Variants in EFNA2 observed in about 807,000 individuals in gnomAD.
The protein encoded by EFNA2 is ephrin-A2.
A neutral mutation model predicts 19.7 loss-of-function variants in EFNA2; 18 were observed. That is an observed-to-expected ratio of 0.91 (90% CI 0.63 to 1.35). The LOEUF (loss-of-function observed/expected upper bound fraction) is 1.35, where lower values mean the gene tolerates loss of function less well. Ranked by LOEUF, EFNA2 falls within the 40% of genes most tolerant of loss-of-function variation. EFNA2 has a pLI of 0.00. For synonymous variants in EFNA2, 187 were observed against 137.8 expected (o/e 1.36, Z -2.50); for missense variants, 303 against 296.0 (o/e 1.02, Z -0.17).
chr19:1,292,308 G>T (rs545976116), intron 1 of EFNA2, among the ~76,000 whole-genome samples: 1 of 152,344 alleles, frequency 6.6e-6, no homozygotes, highest in East Asian at 1.9e-4. Flanking sequence ...AGGCAGAGCC[G>T]GGGGTGGGGG....
At position 1,296,079 on chromosome 19, in the gene EFNA2, C is replaced by T. The variant is rs1274935577; in HGVS notation, c.454+221C>T. Among the ~76,000 whole-genome samples, 2 of 152,116 alleles carry T rather than the reference C, an allele frequency of 1.3e-5. No homozygotes were observed. Among genetic ancestry groups the T allele is most frequent in the African/African-American group, 4.8e-5 (2 of 41,410 alleles). ...GAGTGGGGCCAGGGCCGGTGCTGGC[C>T]ACTGACCCACCCCGGTCACTGACCC... is the stretch of plus-strand genomic sequence containing the variant. On this transcript the variant is annotated intron_variant, in intron 2 of 3. Transcript: ENST00000215368. This position sits in a 1 kb window ranked among gnomAD's most constrained non-coding sequence, Gnocchi z 4.4.
In EFNA2 at chr19:1,295,830, C is replaced by T; in HGVS notation, c.426C>T (p.Phe142=). ...CGCCCTTCTCCCTGGGCTTCGAGTTCCGGCCCGGCCACGAGTATTACTACA... is the reference window on the plus strand; with the variant it reads ...CGCCCTTCTCCCTGGGCTTCGAGTTTCGGCCCGGCCACGAGTATTACTACA... ...LFTPFSLGFE[F]RPGHEYYYIS... is the part of the protein sequence containing the mutation. Residue 142 remains phenylalanine (F), a synonymous_variant, in exon 2 of 4, where the codon TTC becomes TTT. Transcript: ENST00000215368. The surrounding 1 kb of genome is among the most constrained non-coding windows in gnomAD (Gnocchi z 5.8). The T allele has an allele frequency of 6.2e-7, 1 of 1,605,892 alleles. No individual in the cohort carries two copies. Among genetic ancestry groups the T allele is most frequent in the Non-Finnish European group, 8.5e-7 (1 of 1,177,820 alleles).
intron 1 of EFNA2, among the ~76,000 whole-genome samples, chr19:1,292,204 G>A (rs912535966): frequency 1.3e-5 from 2 of 152,202 alleles, no homozygotes; most frequent in East Asian, 1.9e-4. Flanking sequence ...CGCCCACCTC[G>A]GGCTTGCCCG....
At chr19:1,292,490 C>T (rs2081496176) in intron 1 of EFNA2, among the ~76,000 whole-genome samples, 1 of 152,218 alleles carries the variant, frequency 6.6e-6, no homozygotes, top group Admixed American at 6.5e-5. Flanking sequence ...ACATCAGGAT[C>T]CGGGATTCAG....
At position 1,296,729 on chromosome 19, in the gene EFNA2, C is replaced by T. The variant is rs35828744; in HGVS notation, c.454+871C>T. On this transcript the variant is annotated intron_variant, in intron 2 of 3. Coordinates refer to ENST00000215368, the MANE Select transcript of EFNA2 (RefSeq NM_001405.4). This position sits in a 1 kb window ranked among gnomAD's most constrained non-coding sequence, Gnocchi z 4.4. ...GGTAGGGGTCTCCAGGTCCTCCCTGCCCCGCACCCACCCCCGCATCTCCCC... is the reference window on the plus strand; with the variant it reads ...GGTAGGGGTCTCCAGGTCCTCCCTGTCCCGCACCCACCCCCGCATCTCCCC... Among the ~76,000 whole-genome samples, 1,832 of 152,290 alleles carry T rather than the reference C, an allele frequency of 0.012. 13 individuals carry two copies. Among genetic ancestry groups the T allele is most frequent in the Non-Finnish European group, 0.02 (1,378 of 68,008 alleles).
rs961268279 is a variant in EFNA2 at position 1,301,211 on chromosome 19, G to C, written c.*1266G>C. 1.4e-5 allele frequency among the ~76,000 whole-genome samples: 2 copies of C among 148,056 alleles called. No homozygotes were observed. The highest frequency in any genetic ancestry group is 2.1e-4 in the South Asian group (1 of 4,688). Reference sequence around the variant, plus strand: ...ATTTCTACCCGCCTTTCCTGACTCTGTGTTTTATATATATTATATATAAAT... The same window carrying C: ...ATTTCTACCCGCCTTTCCTGACTCTCTGTTTTATATATATTATATATAAAT... On this transcript the variant is annotated 3_prime_UTR_variant, in exon 4 of 4. Coordinates refer to ENST00000215368, the MANE Select transcript of EFNA2 (RefSeq NM_001405.4).
chr19:1,300,241 ATTT>A lies in EFNA2; in HGVS notation c.*329_*331del, dbSNP rs58281257. The A allele has an allele frequency of 2.3e-4, 10 of 42,690 alleles. No homozygotes were observed. Among genetic ancestry groups the A allele is most frequent in the South Asian group, 1.1e-3 (1 of 938 alleles). 2.6% of individuals were successfully genotyped at this position (42,690 alleles called of 1,614,324 possible). A position where few individuals can be genotyped will look rare whatever the true frequency, so the allele number is the denominator to read the frequency against. ...CGGAGAACCCGGGAACCTCTTGGCGATTTTTTTTTTTTTTTTTTTTTTTTTTTT... is the reference window on the plus strand; with the variant it reads ...CGGAGAACCCGGGAACCTCTTGGCGATTTTTTTTTTTTTTTTTTTTTTTTT... On this transcript the variant is annotated 3_prime_UTR_variant, in exon 4 of 4. Coordinates refer to ENST00000215368, the MANE Select transcript of EFNA2 (RefSeq NM_001405.4).
intron 1 of EFNA2, among the ~76,000 whole-genome samples, chr19:1,288,400 G>T (rs2144612482): frequency 6.6e-6 from 1 of 152,338 alleles, no homozygotes; most frequent in South Asian, 2.1e-4. Context: ...TTGGGGAGAG[G>T]AGTGGCGTCA....
At chr19:1,284,567 G>A (rs1394576533), upstream of EFNA2, among the ~76,000 whole-genome samples, 5 of 152,248 alleles carry the variant, frequency 3.3e-5, no homozygotes, top group Admixed American at 3.3e-4. The surrounding 1 kb of genome is among the most constrained non-coding windows in gnomAD (Gnocchi z 5.3). Flanking sequence ...GTCAGGTGGT[G>A]TGGCCCGCGT....
In EFNA2 at chr19:1,286,207, C is replaced by A; in HGVS notation, c.39C>A (p.Leu13=). 3 of 1,098,314 alleles carry A rather than the reference C, an allele frequency of 2.7e-6. No homozygotes were observed. The highest frequency in any genetic ancestry group is 2.2e-5 in the South Asian group (1 of 45,880). The allele number at this position is 1,098,314 out of a possible 1,614,324, so 68.0% of individuals were successfully genotyped here. A position where few individuals can be genotyped will look rare whatever the true frequency, so the allele number is the denominator to read the frequency against. ...PAQRPLLPLL[L]LLLPLPPPPF... is the part of the protein sequence containing the mutation. ...AGCGCCCGCTGCTCCCGCTGCTGCT[C>A]CTGCTGTTACCGCTGCCGCCGCCGC... is the stretch of plus-strand genomic sequence containing the variant. The change falls in exon 1 of 4, where the codon CTC becomes CTA. Residue 13 remains leucine (L), a synonymous_variant. Transcript: ENST00000215368. The surrounding 1 kb of genome is among the most constrained non-coding windows in gnomAD (Gnocchi z 5.6).
rs1367272729 is a variant in EFNA2, at chr19:1,300,155, G to A, written c.*210G>A. 5.1e-6 allele frequency: 3 copies of A among 583,232 alleles called. No homozygotes were observed. Among genetic ancestry groups the A allele is most frequent in the Admixed American group, 3.9e-5 (1 of 25,484 alleles). The allele number at this position is 583,232 out of a possible 1,614,324, so 36.1% of individuals were successfully genotyped here. A position where few individuals can be genotyped will look rare whatever the true frequency, so the allele number is the denominator to read the frequency against. On this transcript the variant is annotated 3_prime_UTR_variant, in exon 4 of 4. Coordinates refer to ENST00000215368, the MANE Select transcript of EFNA2 (RefSeq NM_001405.4). ...GGGAAACGGCCGAGAGCCCCCCCCC[G>A]GAGGCCCGAGGGGCCGGGGTGTGGA...
intron 1 of EFNA2, among the ~76,000 whole-genome samples, chr19:1,289,655 C>T (rs1178387873): frequency 2.6e-5 from 4 of 152,224 alleles, no homozygotes; most frequent in South Asian, 2.1e-4. Context: ...CTCTGGGCTT[C>T]GGCCACCCTC....
At chr19:1,299,787 G>T (rs200274809) in intron 3 of EFNA2, 37 bp from the exon 4 acceptor site, 4 of 1,567,842 alleles carry the variant, frequency 2.6e-6, no homozygotes, top group East Asian at 4.7e-5. Context: ...AGTGGGGTTC[G>T]GGCGGCCGCT....
chr19:1,289,081 G>A (rs2081479708), intron 1 of EFNA2, among the ~76,000 whole-genome samples: 1 of 152,276 alleles, frequency 6.6e-6, no homozygotes, highest in East Asian at 1.9e-4. Context: ...GCGTGCAGGT[G>A]TGCCTGGAGT....
chr19:1,288,780 G>A (rs963673263), intron 1 of EFNA2, among the ~76,000 whole-genome samples: 4 of 152,036 alleles, frequency 2.6e-5, no homozygotes, highest in Non-Finnish European at 4.4e-5. Flanking sequence ...GTGGGGCCCC[G>A]TTGGGTGGTC....
In EFNA2 at chr19:1,286,246, C is replaced by T; in HGVS notation, c.78C>T (p.Ala26=). Residue 26 remains alanine, a synonymous_variant, in exon 1 of 4, where the codon GCC becomes GCT. Transcript: ENST00000215368. This position sits in a 1 kb window ranked among gnomAD's most constrained non-coding sequence, Gnocchi z 5.6. ...LPLPPPPFAR[A]EDAARANSDR... ...TGCCGCCGCCGCCCTTCGCGCGCGC[C>T]GAGGACGCCGCCCGCGCCAACTCGG... 1 of 1,129,946 alleles carries T rather than the reference C, an allele frequency of 8.8e-7. No individual in the cohort carries two copies. 70.0% of individuals were successfully genotyped at this position (1,129,946 alleles called of 1,614,324 possible). A position where few individuals can be genotyped will look rare whatever the true frequency, so the allele number is the denominator to read the frequency against.
chr19:1,286,144 C>A lies in EFNA2; in HGVS notation c.-25C>A. 1 of 882,398 alleles carries A rather than the reference C, an allele frequency of 1.1e-6. No individual in the cohort carries two copies. Among genetic ancestry groups the A allele is most frequent in the Non-Finnish European group, 1.4e-6 (1 of 737,142 alleles). The allele number at this position is 882,398 out of a possible 1,614,324, so 54.7% of individuals were successfully genotyped here. ...GGCTGGCAGGCGGCGGCCGGGAGAG[C>A]GAGCGCGGCGGCCGGACCGGGGCCA... On this transcript the variant is annotated 5_prime_UTR_variant, in exon 1 of 4. Transcript: ENST00000215368. This position sits in a 1 kb window ranked among gnomAD's most constrained non-coding sequence, Gnocchi z 5.6.
At chr19:1,293,269 C>G (rs565704854) in intron 1 of EFNA2, among the ~76,000 whole-genome samples, 1 of 152,212 alleles carries the variant, frequency 6.6e-6, no homozygotes, top group Non-Finnish European at 1.5e-5. Context: ...TGGGCAGGAA[C>G]GAAAATGACT....
intron 1 of EFNA2, among the ~76,000 whole-genome samples, chr19:1,288,205 C>G (rs777471348): frequency 2.6e-5 from 4 of 152,248 alleles, no homozygotes; most frequent in African/African-American, 7.2e-5. Flanking sequence ...AGCACCTTCC[C>G]GGGAAGCCGG....
Sources: allele counts gnomAD v4.1 joint callset (sites outside exome capture counted in the v4.1 genomes callset), GRCh38; gene constraint gnomAD v4.1.1; non-coding constraint Gnocchi (gnomAD v3.1); transcripts MANE v1.5; gene names NCBI Gene and HGNC (gene_info 2026-07-23, HGNC 2026-07-21).